The following RABGEF1 variants were observed in gnomAD, a reference collection of about 807,000 sequenced individuals.
The protein encoded by RABGEF1 is rab5 GDP/GTP exchange factor.
Under a neutral mutation model 57.3 loss-of-function variants are expected in RABGEF1, and 26 were observed. That is an observed-to-expected ratio of 0.45 (90% CI 0.33 to 0.63). The LOEUF (loss-of-function observed/expected upper bound fraction) is 0.63, where lower values mean the gene tolerates loss of function less well. RABGEF1 is among the 20% of genes least tolerant of loss of function. RABGEF1 has a pLI of 0.02. For synonymous variants in RABGEF1, 185 were observed against 210.7 expected (o/e 0.88, Z 1.06); for missense variants, 464 against 607.6 (o/e 0.76, Z 2.48).
At chr7:66,671,096 T>G in the RABGEF1 span, among the ~76,000 whole-genome samples, 1 of 152,056 alleles carries the variant, frequency 6.6e-6, no homozygotes, top group Non-Finnish European at 1.5e-5. Flanking sequence ...CTCCTGGCCT[T>G]GGGCAATCTT....
At chr7:66,790,061 C>G (rs1812259231) in intron 4 of RABGEF1, among the ~76,000 whole-genome samples, 1 of 152,224 alleles carries the variant, frequency 6.6e-6, no homozygotes, top group Non-Finnish European at 1.5e-5. Flanking sequence ...TTGGCAGATA[C>G]TGAGGACTTG....
At chr7:66,687,088 T>C (rs1448197376) in intron 1 of RABGEF1, among the ~76,000 whole-genome samples, 2 of 149,608 alleles carry the variant, frequency 1.3e-5, no homozygotes, top group African/African-American at 4.9e-5. Context: ...CCCAAAGTGC[T>C]GAGATTACGA....
chr7:66,658,925 C>T, the RABGEF1 span, among the ~76,000 whole-genome samples: 12 of 151,948 alleles, frequency 7.9e-5, no homozygotes, highest in African/African-American at 1.7e-4. Flanking sequence ...TTAGCGGAGA[C>T]GGGGTTTCAC....
upstream of RABGEF1, among the ~76,000 whole-genome samples, chr7:66,680,491 G>A (rs1358521973): frequency 3.9e-5 from 6 of 152,152 alleles, no homozygotes; most frequent in Admixed American, 1.3e-4. Context: ...TGATCCGCCC[G>A]CCTCTGCCTC....
At position 66,731,427 on chromosome 7, in the gene RABGEF1, A is replaced by T. The variant is rs2707846; in HGVS notation, c.-814-8569A>T. 6.7e-3 allele frequency among the ~76,000 whole-genome samples: 1,015 copies of T among 152,106 alleles called. 4 individuals are homozygous for T. Among genetic ancestry groups the T allele is most frequent in the Middle Eastern group, 0.041 (12 of 294 alleles). On this transcript the variant is annotated intron_variant and NMD_transcript_variant, in intron 2 of 9. Coordinates refer to the RABGEF1 transcript ENST00000607882. ...ATGAACGCCTGGCTGGTAAATAAGG[A>T]TCTTGGAGGCTGTGCATGATGGCTC...
chr7:66,682,070 T>C (rs1882655), upstream of RABGEF1: 150,652 of 167,410 alleles, frequency 0.9, 68,004 homozygotes, highest in African/African-American at 0.94. Context: ...CCGGAAGTGA[T>C]GTTTGCGCGC....
At chr7:66,702,104 C>A (rs1271059703) in intron 1 of RABGEF1, among the ~76,000 whole-genome samples, 2 of 152,188 alleles carry the variant, frequency 1.3e-5, no homozygotes, top group East Asian at 1.9e-4. Context: ...CACTTTCTGT[C>A]TATATGGATT....
At chr7:66,662,025 G>A in the RABGEF1 span, among the ~76,000 whole-genome samples, 1 of 152,096 alleles carries the variant, frequency 6.6e-6, no homozygotes, top group Non-Finnish European at 1.5e-5. Flanking sequence ...CGAGGCGGGT[G>A]GATCACGAGG....
At chr7:66,767,587 A>C (rs1806059458) in intron 1 of RABGEF1, among the ~76,000 whole-genome samples, 1 of 152,134 alleles carries the variant, frequency 6.6e-6, no homozygotes, top group Non-Finnish European at 1.5e-5. Flanking sequence ...TCTAAACCAC[A>C]AGGTGTTGCT....
intron 1 of RABGEF1, among the ~76,000 whole-genome samples, chr7:66,753,700 C>CTTTTTTTTT (rs1562788670): frequency 1.3e-5 from 1 of 78,508 alleles, no homozygotes; most frequent in African/African-American, 3.8e-5. Context: ...ATTTTGCCAT[C>CTTTTTTTTT]GTTTTTTTTT....
intron 1 of RABGEF1, among the ~76,000 whole-genome samples, chr7:66,689,927 A>T (rs995105622): frequency 2.0e-5 from 3 of 152,146 alleles, no homozygotes; most frequent in African/African-American, 7.2e-5. Context: ...TCTACCAGAC[A>T]TTTAAAGGAA....
At chr7:66,690,088 T>C (rs900108326) in intron 1 of RABGEF1, among the ~76,000 whole-genome samples, 2 of 151,072 alleles carry the variant, frequency 1.3e-5, no homozygotes, top group Admixed American at 1.3e-4. Context: ...TTATAAACAT[T>C]GATAAAAAAT....
At chr7:66,676,541 A>G in the RABGEF1 span, among the ~76,000 whole-genome samples, 4 of 152,124 alleles carry the variant, frequency 2.6e-5, no homozygotes, top group Non-Finnish European at 5.9e-5. Context: ...CGCAGTTCGG[A>G]CCTGTGTTGT....
chr7:66,686,380 G>T (rs1211806145), intron 1 of RABGEF1, among the ~76,000 whole-genome samples: 4 of 152,158 alleles, frequency 2.6e-5, no homozygotes, highest in Non-Finnish European at 5.9e-5. Flanking sequence ...GCCAAAGTGG[G>T]AGGATCGCTT....
chr7:66,738,689 A>G (rs1798334652), upstream of RABGEF1, among the ~76,000 whole-genome samples: 1 of 147,070 alleles, frequency 6.8e-6, no homozygotes, highest in African/African-American at 2.5e-5. Context: ...CCGAGATTGC[A>G]CCACTGTGCT....
At chr7:66,782,640 G>A (rs1218275674) in intron 3 of RABGEF1, among the ~76,000 whole-genome samples, 3 of 151,488 alleles carry the variant, frequency 2.0e-5, no homozygotes, top group Non-Finnish European at 4.4e-5. Context: ...CCTGGCTAAT[G>A]TTCTTACTTT....
chr7:66,798,136 A>G (rs956041203), intron 6 of RABGEF1, among the ~76,000 whole-genome samples: 2 of 152,170 alleles, frequency 1.3e-5, no homozygotes, highest in Admixed American at 6.5e-5. Flanking sequence ...ACAAGTCAGT[A>G]GATGTCCTCT....
At position 66,732,586 on chromosome 7, in the gene RABGEF1, C is replaced by T. The variant is rs78429933; in HGVS notation, c.-814-7410C>T. ...GGTGTCTCATCTCAGCAGGTGAAAC[C>T]GACAGTCTCCCCAGAGTCCAGGCAG... On this transcript the variant is annotated intron_variant and NMD_transcript_variant, in intron 2 of 9. Transcript: ENST00000607882. Among the ~76,000 whole-genome samples the T allele has an allele frequency of 6.3e-3, 959 of 152,216 alleles. 13 individuals are homozygous for T. The highest frequency in any genetic ancestry group is 0.021 in the African/African-American group (890 of 41,544).
intron 1 of RABGEF1, among the ~76,000 whole-genome samples, chr7:66,764,322 T>TTTA (rs75168995): frequency 0.039 from 6,003 of 152,334 alleles, 165 homozygotes; most frequent in East Asian, 0.085. Context: ...ATTGTTAATT[T>TTTA]TTATTGAGTT....
Sources: gnomAD v4.1 joint callset for allele counts (sites outside exome capture counted in the v4.1 genomes callset) on GRCh38, gnomAD v4.1.1 for gene constraint, MANE v1.5 for transcripts, NCBI Gene and HGNC (gene_info 2026-07-23, HGNC 2026-07-21) for gene names.